The following TNIK variants were observed in gnomAD, a reference collection of about 807,000 sequenced individuals.
TNIK encodes TRAF2 and NCK interacting kinase, also known as TRAF2 and NCK-interacting protein kinase.
Under a neutral mutation model 191.3 loss-of-function variants are expected in TNIK, and 49 were observed. That is an observed-to-expected ratio of 0.26 (90% CI 0.20 to 0.32). The LOEUF (loss-of-function observed/expected upper bound fraction) is 0.32. Ranked by LOEUF, TNIK falls within the 10% of genes least tolerant of loss-of-function variation. The probability of loss-of-function intolerance (pLI) is 1.00; values close to 1 mark genes in which losing one functional copy is unlikely to be tolerated. For synonymous variants in TNIK, 594 were observed against 600.9 expected, an observed-to-expected ratio of 0.99 and a Z score of 0.17; for missense variants, 1,155 against 1,702.3, an observed-to-expected ratio of 0.68 and a Z score of 5.66.
intron 8 of TNIK, among the ~76,000 whole-genome samples, chr3:171,176,414 G>A (rs1477709297): frequency 6.6e-6 from 1 of 152,198 alleles, no homozygotes; most frequent in Admixed American, 6.5e-5. Flanking sequence ...AGTCCTTTGA[G>A]ATGCAGACAC....
intron 4 of TNIK, among the ~76,000 whole-genome samples, chr3:171,203,078 AT>A (rs368539899): frequency 0.031 from 4,523 of 148,292 alleles, 200 homozygotes; most frequent in African/African-American, 0.1. Flanking sequence ...TGAGTGGTTA[AT>A]TTTTTTTTTT....
In TNIK at chr3:171,084,286, T is replaced by C. The variant is rs755188270; in HGVS notation, c.3038A>G (p.Lys1013Arg). Residue 1013 changes from lysine to arginine, a missense_variant, in exon 26 of 33, where the codon AAA becomes AGA. Lys to Arg is a conservative substitution (Grantham distance 26). This residue lies in a region of TNIK where 735 missense variants were observed against 848.0 expected (regional missense o/e 0.87). Transcript: ENST00000436636. ...TSELLRQEQAKLNEARKISVV... is the reference protein window; with the variant it reads ...TSELLRQEQARLNEARKISVV... ...CGAAATCTTTCTTGCTTCATTGAGT[T>C]TGGCCTGTTCTTGCCTAAGAAGTTC... 2 of 1,613,884 alleles carry C rather than the reference T, an allele frequency of 1.2e-6. No homozygotes were observed. The highest frequency in any genetic ancestry group is 4.5e-5 in the East Asian group (2 of 44,874).
chr3:171,427,488 G>T (rs1560060611), intron 1 of TNIK, among the ~76,000 whole-genome samples: 1 of 152,048 alleles, frequency 6.6e-6, no homozygotes, highest in Admixed American at 6.6e-5. Context: ...AGTTTCCTCA[G>T]CTGTAAAATG....
intron 2 of TNIK, among the ~76,000 whole-genome samples, chr3:171,280,651 TAAA>T (rs5854412): frequency 6.9e-6 from 1 of 144,164 alleles, no homozygotes; most frequent in Admixed American, 6.9e-5. Context: ...GTCTCTAAAT[TAAA>T]AAAAAAAAAA....
chr3:171,121,888 C>T (rs1029041746), intron 18 of TNIK, among the ~76,000 whole-genome samples: 4 of 152,110 alleles, frequency 2.6e-5, no homozygotes, highest in Non-Finnish European at 5.9e-5. Flanking sequence ...CTTCACCCCC[C>T]ACCCCCAATC....
chr3:171,133,938 C>T lies in TNIK; in HGVS notation c.1608+4253G>A, dbSNP rs75588131. 3.1e-3 allele frequency among the ~76,000 whole-genome samples: 466 copies of T among 152,172 alleles called. 4 individuals are homozygous for T. The highest frequency in any genetic ancestry group is 9.4e-3 in the African/African-American group (389 of 41,498). ...TGGCATATATCACAGAAAGAGAACA[C>T]GATGGAGTGCTAAAAAAATTAAAAT... On this transcript the variant is annotated intron_variant, in intron 15 of 32. Transcript: ENST00000436636.
At chr3:171,169,048 A>G (rs1347795141) in intron 9 of TNIK, among the ~76,000 whole-genome samples, 1 of 152,214 alleles carries the variant, frequency 6.6e-6, no homozygotes, top group Non-Finnish European at 1.5e-5. Context: ...GAAAAATGTA[A>G]TGAAATAAAG....
At chr3:171,172,002 C>A (rs889637467) in intron 9 of TNIK, among the ~76,000 whole-genome samples, 3 of 152,152 alleles carry the variant, frequency 2.0e-5, no homozygotes, top group Non-Finnish European at 4.4e-5. Context: ...ACCACAAAGG[C>A]CTCTCCTCAT....
intron 2 of TNIK, among the ~76,000 whole-genome samples, chr3:171,361,640 A>T (rs748764270): frequency 5.9e-5 from 9 of 152,162 alleles, no homozygotes; most frequent in Non-Finnish European, 1.0e-4. Context: ...TAGCAAAACT[A>T]CACTTTAAGA....
chr3:171,348,435 T>A (rs1311474788), intron 2 of TNIK, among the ~76,000 whole-genome samples: 1 of 152,100 alleles, frequency 6.6e-6, no homozygotes, highest in South Asian at 2.1e-4. Context: ...AGCCTTTAGA[T>A]CTCTTGAAGA....
At chr3:171,278,918 T>C (rs1028430497) in intron 2 of TNIK, among the ~76,000 whole-genome samples, 1 of 152,190 alleles carries the variant, frequency 6.6e-6, no homozygotes, top group African/African-American at 2.4e-5. Flanking sequence ...TATTTTTAAA[T>C]GATACTGCCC....
chr3:171,085,342 G>C, intron 24 of TNIK, 113 bp from the exon 25 acceptor site: 2 of 1,015,274 alleles, frequency 2.0e-6, no homozygotes, highest in Non-Finnish European at 2.8e-6. Flanking sequence ...AGGTATTCAG[G>C]TGTTCACATT....
intron 22 of TNIK, among the ~76,000 whole-genome samples, chr3:171,100,929 C>G (rs915198527): frequency 2.0e-5 from 3 of 151,962 alleles, no homozygotes; most frequent in Non-Finnish European, 2.9e-5. Flanking sequence ...AAAATCATAA[C>G]GGGGTATATT....
At chr3:171,387,210 T>C (rs534339813) in intron 1 of TNIK, among the ~76,000 whole-genome samples, 1 of 152,326 alleles carries the variant, frequency 6.6e-6, no homozygotes, top group Non-Finnish European at 1.5e-5. Flanking sequence ...AAACTATCAG[T>C]TCCCTGTTCT....
chr3:171,316,105 T>A (rs1754568818), intron 2 of TNIK, among the ~76,000 whole-genome samples: 1 of 152,128 alleles, frequency 6.6e-6, no homozygotes, highest in Non-Finnish European at 1.5e-5. Flanking sequence ...GTTTTAGCTT[T>A]GTGGGTTTGG....
intron 9 of TNIK, 49 bp downstream of exon 9, chr3:171,175,203 C>T: frequency 6.4e-7 from 1 of 1,561,086 alleles, no homozygotes; most frequent in Non-Finnish European, 8.7e-7. Context: ...AATAGAATCA[C>T]AAGAAAACCT....
chr3:171,366,715 G>T lies in TNIK; in HGVS notation c.123+2905C>A, dbSNP rs961868248. On this transcript the variant is annotated intron_variant, in intron 2 of 32. Transcript: ENST00000436636. This position sits in a 1 kb window ranked among gnomAD's most constrained non-coding sequence, Gnocchi z 4.1. ...GAGACTTTAAAAATTAAAATCAAAG[G>T]CTTAGCATTTGATATGGTTTGGCTG... 6.6e-6 allele frequency among the ~76,000 whole-genome samples: 1 copy of T among 152,036 alleles called. No homozygotes were observed. Among genetic ancestry groups the T allele is most frequent in the African/African-American group, 2.4e-5 (1 of 41,382 alleles).
intron 3 of TNIK, among the ~76,000 whole-genome samples, chr3:171,212,390 C>G (rs1457244779): frequency 6.6e-6 from 1 of 152,106 alleles, no homozygotes; most frequent in Non-Finnish European, 1.5e-5. Context: ...TGGTCATAGC[C>G]CCTACACTCC....
At chr3:171,291,903 G>A (rs985096677) in intron 2 of TNIK, among the ~76,000 whole-genome samples, 1 of 152,036 alleles carries the variant, frequency 6.6e-6, no homozygotes, top group Non-Finnish European at 1.5e-5. Flanking sequence ...CTAGGATCCT[G>A]TTCACTTTTT....
Sources: allele counts gnomAD v4.1 joint callset (sites outside exome capture counted in the v4.1 genomes callset), GRCh38; gene constraint gnomAD v4.1.1; regional missense constraint gnomAD v4.1.1; non-coding constraint Gnocchi (gnomAD v3.1); transcripts MANE v1.5; gene names NCBI Gene and HGNC (gene_info 2026-07-23, HGNC 2026-07-21).